Variants in DCC observed in about 807,000 individuals in gnomAD.
The protein encoded by DCC is netrin receptor DCC.
DCC carries 58 observed loss-of-function variants against 172.5 expected under a neutral mutation model. That is an observed-to-expected ratio of 0.34 (90% CI 0.27 to 0.42). The LOEUF (loss-of-function observed/expected upper bound fraction) is 0.42. Among genes scored for constraint, DCC ranks in the 10% least tolerant of loss-of-function variants. The pLI is 1.00. For synonymous variants in DCC, 709 were observed against 644.5 expected (o/e 1.10, Z -1.52); for missense variants, 1,740 against 1,791.0 (o/e 0.97, Z 0.51).
At chr18:52,748,611 C>A (rs532322600) in intron 1 of DCC, among the ~76,000 whole-genome samples, 1 of 152,168 alleles carries the variant, frequency 6.6e-6, no homozygotes, top group South Asian at 2.1e-4. Context: ...GGTGGCCACT[C>A]GGGCAGCAGT....
At chr18:53,103,526 T>C (rs1473042242) in intron 7 of DCC, among the ~76,000 whole-genome samples, 1 of 152,014 alleles carries the variant, frequency 6.6e-6, no homozygotes, top group Non-Finnish European at 1.5e-5. Context: ...TATGGTGCCT[T>C]CTTTAAAATA....
In DCC at chr18:53,227,659, ATTAAC is replaced by A. The variant is rs1221383963; in HGVS notation, c.1911+12067_1911+12071del. Among the ~76,000 whole-genome samples, 10 of 152,350 alleles carry A rather than the reference ATTAAC, an allele frequency of 6.6e-5. No homozygotes were observed. The East Asian group carries it at 1.7e-3, about 26-fold the overall frequency. Reference sequence around the variant, plus strand: ...AGGAACAATTCTGTATCTTCAGAAAATTAACTTAAGAACATATTATGTATCTAATC... The same window carrying A: ...AGGAACAATTCTGTATCTTCAGAAAATTAAGAACATATTATGTATCTAATC... On this transcript the variant is annotated intron_variant, in intron 12 of 28. Transcript: ENST00000442544.
intron 5 of DCC, among the ~76,000 whole-genome samples, chr18:52,983,302 A>T (rs1054031663): frequency 6.6e-6 from 1 of 152,186 alleles, no homozygotes; most frequent in Non-Finnish European, 1.5e-5. Context: ...GATGCTTTGC[A>T]GGGTGAGACA....
chr18:52,722,733 T>C (rs2145078999), intron 1 of DCC, among the ~76,000 whole-genome samples: 1 of 151,866 alleles, frequency 6.6e-6, no homozygotes, highest in Middle Eastern at 3.4e-3. Flanking sequence ...GGTTGGCTGC[T>C]ACACACTGAG....
chr18:52,868,978 G>A (rs1178089476), intron 2 of DCC, among the ~76,000 whole-genome samples: 1 of 152,210 alleles, frequency 6.6e-6, no homozygotes, highest in Non-Finnish European at 1.5e-5. Context: ...GGAATGTGGT[G>A]TCACCTGGAA....
At chr18:52,489,289 T>C (rs1424545689) in intron 1 of DCC, among the ~76,000 whole-genome samples, 1 of 152,066 alleles carries the variant, frequency 6.6e-6, no homozygotes, top group African/African-American at 2.4e-5. Flanking sequence ...TCTGGCTACA[T>C]AGTTGTCTCA....
intron 12 of DCC, among the ~76,000 whole-genome samples, chr18:53,292,673 G>C (rs1598990891): frequency 6.6e-6 from 1 of 152,168 alleles, no homozygotes; most frequent in East Asian, 1.9e-4. Flanking sequence ...TGGGTGACAA[G>C]AGCGAAACTC....
rs576513633 is a variant in DCC, at chr18:52,986,516, A to G, written c.985+61146A>G. 8.5e-5 allele frequency among the ~76,000 whole-genome samples: 13 copies of G among 152,206 alleles called. No homozygotes were observed. The South Asian group carries it at 2.7e-3, about 32-fold the overall frequency. ...GTCTTAGTTTCGCCTGCTTTGTTTAAAACAGAAATATGTTCCTCTTCTTCT... is the reference window on the plus strand; with the variant it reads ...GTCTTAGTTTCGCCTGCTTTGTTTAGAACAGAAATATGTTCCTCTTCTTCT... On this transcript the variant is annotated intron_variant, in intron 5 of 28. Coordinates refer to ENST00000442544, the MANE Select transcript of DCC (RefSeq NM_005215.4).
intron 2 of DCC, among the ~76,000 whole-genome samples, chr18:52,882,811 G>C (rs369563544): frequency 1.7e-4 from 26 of 152,158 alleles, no homozygotes; most frequent in African/African-American, 5.8e-4. Flanking sequence ...ATGTTTCTTT[G>C]TTGATTTTCT....
intron 27 of DCC, among the ~76,000 whole-genome samples, chr18:53,509,747 C>A (rs1001431807): frequency 2.6e-5 from 4 of 152,176 alleles, no homozygotes; most frequent in African/African-American, 9.7e-5. Context: ...ACTTGACCTG[C>A]TGTTTTGTCA....
chr18:52,999,258 C>T (rs549880330), intron 5 of DCC, among the ~76,000 whole-genome samples: 1 of 152,044 alleles, frequency 6.6e-6, no homozygotes, highest in East Asian at 1.9e-4. Flanking sequence ...AACTGTAAAA[C>T]AGCACAAGCT....
chr18:52,646,061 G>T (rs1293143593), intron 1 of DCC, among the ~76,000 whole-genome samples: 1 of 152,146 alleles, frequency 6.6e-6, no homozygotes, highest in Non-Finnish European at 1.5e-5. Context: ...GAGGAGGAAG[G>T]GGTTAGATTC....
At chr18:53,273,437 T>C (rs923371563) in intron 12 of DCC, among the ~76,000 whole-genome samples, 3 of 152,134 alleles carry the variant, frequency 2.0e-5, no homozygotes, top group Non-Finnish European at 4.4e-5. Context: ...ATTTGATTGG[T>C]AGGATTCACA....
At chr18:52,764,302 G>A (rs1276602051) in intron 2 of DCC, among the ~76,000 whole-genome samples, 1 of 152,214 alleles carries the variant, frequency 6.6e-6, no homozygotes, top group Non-Finnish European at 1.5e-5. Context: ...ATTTGTCAGA[G>A]AGAATCTTAT....
At chr18:52,966,300 C>A (rs777017943) in intron 5 of DCC, among the ~76,000 whole-genome samples, 3 of 152,238 alleles carry the variant, frequency 2.0e-5, no homozygotes, top group South Asian at 2.1e-4. Flanking sequence ...AAGGAGAGTA[C>A]TTATTTATTT....
intron 1 of DCC, among the ~76,000 whole-genome samples, chr18:52,638,797 T>C (rs1490331260): frequency 1.3e-5 from 2 of 152,074 alleles, no homozygotes; most frequent in Non-Finnish European, 2.9e-5. Flanking sequence ...AGACAGGTCA[T>C]CAAGACAAAA....
intron 27 of DCC, among the ~76,000 whole-genome samples, chr18:53,525,665 C>CCAAA (rs1255455393): frequency 1.3e-5 from 2 of 152,028 alleles, no homozygotes; most frequent in Non-Finnish European, 2.9e-5. Flanking sequence ...ACAGTGTAGT[C>CCAAA]CAAACAACTT....
At chr18:53,060,344 T>C (rs1253012550) in intron 5 of DCC, among the ~76,000 whole-genome samples, 1 of 152,062 alleles carries the variant, frequency 6.6e-6, no homozygotes, top group Non-Finnish European at 1.5e-5. Context: ...CATTTCTGAT[T>C]CACAATATTG....
intron 9 of DCC, among the ~76,000 whole-genome samples, chr18:53,180,282 C>T (rs369054788): frequency 5.4e-4 from 82 of 152,188 alleles, no homozygotes; most frequent in African/African-American, 1.8e-3. Flanking sequence ...ATTGAAGGGA[C>T]GGAAGAGGGC....
Sources: allele counts gnomAD v4.1 joint callset (sites outside exome capture counted in the v4.1 genomes callset), GRCh38; gene constraint gnomAD v4.1.1; transcripts MANE v1.5; gene names NCBI Gene and HGNC (gene_info 2026-07-23, HGNC 2026-07-21).